The following CCSER1 variants were observed in gnomAD, a reference collection of about 807,000 sequenced individuals.
CCSER1 encodes coiled-coil serine rich protein 1, also known as serine-rich coiled-coil domain-containing protein 1.
In CCSER1, 41 loss-of-function variants were observed where a neutral mutation model predicts 82.0. The ratio of observed to expected loss-of-function variants is 0.50; its 90% CI spans 0.39 to 0.65. CCSER1 has a LOEUF of 0.65. Ranked by LOEUF, CCSER1 falls within the 30% of genes least tolerant of loss-of-function variation. The pLI is 0.00. For synonymous variants in CCSER1, 414 were observed against 383.9 expected (o/e 1.08, Z -0.92); for missense variants, 1,119 against 1,064.2 (o/e 1.05, Z -0.72).
chr4:90,584,903 T>C (rs61046374), intron 5 of CCSER1, among the ~76,000 whole-genome samples: 3,312 of 152,208 alleles, frequency 0.022, 123 homozygotes, highest in African/African-American at 0.07. Context: ...TTAAAAACTT[T>C]TGGTCTTTGA....
At chr4:90,801,710 A>G (rs1282741081) in intron 7 of CCSER1, among the ~76,000 whole-genome samples, 1 of 152,190 alleles carries the variant, frequency 6.6e-6, no homozygotes, top group Non-Finnish European at 1.5e-5. Flanking sequence ...AATAAATGCC[A>G]TTTACTTTGA....
chr4:91,460,457 G>A (rs1756442105), intron 10 of CCSER1, among the ~76,000 whole-genome samples: 1 of 152,036 alleles, frequency 6.6e-6, no homozygotes, highest in Non-Finnish European at 1.5e-5. Flanking sequence ...CTAACGATAT[G>A]CCACAAAGAT....
chr4:91,139,734 A>G (rs1199940615), intron 10 of CCSER1, among the ~76,000 whole-genome samples: 1 of 152,222 alleles, frequency 6.6e-6, no homozygotes, highest in Non-Finnish European at 1.5e-5. Context: ...TTTGGAAATT[A>G]TGTTAAACAC....
rs546425679 is a variant in CCSER1, at chr4:91,596,126, G to A, written c.2218-2446G>A. Among the ~76,000 whole-genome samples, 188 of 152,094 alleles carry A rather than the reference G, an allele frequency of 1.2e-3. 1 individual carries two copies. The highest frequency in any genetic ancestry group is 3.9e-3 in the African/African-American group (163 of 41,526). ...ATGTGCCTTCTAAGTACCAGATACT[G>A]TACCAGAGAAGGGGTGCTGAGGCTG... On this transcript the variant is annotated intron_variant, in intron 10 of 10. Coordinates refer to ENST00000509176, the MANE Select transcript of CCSER1 (RefSeq NM_001145065.2).
At chr4:91,520,403 A>T (rs1578682504) in intron 10 of CCSER1, among the ~76,000 whole-genome samples, 1 of 151,618 alleles carries the variant, frequency 6.6e-6, no homozygotes, top group South Asian at 2.1e-4. Flanking sequence ...TGTGGCTCCC[A>T]AAACTGTTTC....
chr4:91,072,503 C>T (rs748145187), intron 9 of CCSER1, among the ~76,000 whole-genome samples: 1 of 152,066 alleles, frequency 6.6e-6, no homozygotes, highest in South Asian at 2.1e-4. Context: ...ATCTCTTGAA[C>T]ATTAATATAG....
At chr4:90,893,819 A>G (rs1723312208) in intron 8 of CCSER1, among the ~76,000 whole-genome samples, 1 of 151,030 alleles carries the variant, frequency 6.6e-6, no homozygotes, top group Non-Finnish European at 1.5e-5. Flanking sequence ...TCTCTATTCA[A>G]TATGTGTTAT....
intron 1 of CCSER1, among the ~76,000 whole-genome samples, chr4:90,143,727 C>G (rs1160276053): frequency 2.0e-5 from 3 of 149,318 alleles, no homozygotes; most frequent in Admixed American, 6.7e-5. Flanking sequence ...TTCTGTCACC[C>G]AAGCTGGAGT....
chr4:91,031,392 CAT>C (rs1740971004), intron 9 of CCSER1, among the ~76,000 whole-genome samples: 1 of 152,090 alleles, frequency 6.6e-6, no homozygotes, highest in African/African-American at 2.4e-5. Flanking sequence ...CAAGGAAACA[CAT>C]GTTTGAAAAT....
At chr4:91,083,667 A>T (rs1442201786) in intron 9 of CCSER1, among the ~76,000 whole-genome samples, 2 of 152,164 alleles carry the variant, frequency 1.3e-5, no homozygotes, top group East Asian at 3.9e-4. Flanking sequence ...AGATAGTAAA[A>T]TAATATCAAA....
At chr4:90,412,693 A>G (rs1755076824) in intron 4 of CCSER1, among the ~76,000 whole-genome samples, 1 of 152,186 alleles carries the variant, frequency 6.6e-6, no homozygotes. Flanking sequence ...AAAGCCTTTG[A>G]CAAAATCCAG....
At chr4:90,169,782 C>G (rs1245190644) in intron 1 of CCSER1, among the ~76,000 whole-genome samples, 1 of 150,798 alleles carries the variant, frequency 6.6e-6, no homozygotes, top group Non-Finnish European at 1.5e-5. Flanking sequence ...TGTCTACATT[C>G]TTTAATTGTG....
chr4:90,440,516 C>T (rs577668020), intron 4 of CCSER1, among the ~76,000 whole-genome samples: 2 of 152,204 alleles, frequency 1.3e-5, no homozygotes, highest in East Asian at 3.9e-4. Context: ...AGATAATTAT[C>T]CTTGGCTACA....
intron 10 of CCSER1, among the ~76,000 whole-genome samples, chr4:91,296,811 A>G (rs1374506986): frequency 6.6e-6 from 1 of 151,674 alleles, no homozygotes; most frequent in Non-Finnish European, 1.5e-5. Context: ...TTTAAAATCT[A>G]CCAAAAACCA....
chr4:90,442,947 T>C (rs1760117076), intron 4 of CCSER1, among the ~76,000 whole-genome samples: 1 of 151,052 alleles, frequency 6.6e-6, no homozygotes, highest in African/African-American at 2.5e-5. Flanking sequence ...TCCTCAGGGA[T>C]ACATTCTAAG....
chr4:90,620,449 A>C (rs1722095981), intron 5 of CCSER1, among the ~76,000 whole-genome samples: 2 of 152,198 alleles, frequency 1.3e-5, no homozygotes, highest in African/African-American at 4.8e-5. Context: ...TAGTCTATTT[A>C]TATGAGTATT....
At chr4:91,221,324 T>C (rs990152144) in intron 10 of CCSER1, among the ~76,000 whole-genome samples, 1 of 152,170 alleles carries the variant, frequency 6.6e-6, no homozygotes, top group African/African-American at 2.4e-5. Context: ...ATATGATTTC[T>C]TTAAATAAGT....
chr4:91,140,274 AT>A lies in CCSER1; in HGVS notation c.2217+54282del, dbSNP rs1292331099. Reference sequence around the variant, plus strand: ...AAAAGCAGAAAATAAAAGGATTTTAATTCATTTTTGTGTGATTATTATAGCT... The same window carrying A: ...AAAAGCAGAAAATAAAAGGATTTTAATCATTTTTGTGTGATTATTATAGCT... On this transcript the variant is annotated intron_variant, in intron 10 of 10. Coordinates refer to ENST00000509176, the MANE Select transcript of CCSER1 (RefSeq NM_001145065.2). Among the ~76,000 whole-genome samples the A allele has an allele frequency of 2.0e-5, 3 of 151,880 alleles. No individual in the cohort carries two copies. In the East Asian group the frequency reaches 5.8e-4, roughly 29 times the overall value.
chr4:91,578,666 G>A (rs541188886), intron 10 of CCSER1, among the ~76,000 whole-genome samples: 12 of 152,068 alleles, frequency 7.9e-5, no homozygotes, highest in South Asian at 2.1e-4. Context: ...AACACTGCAC[G>A]CTGATGGTTA....
Sources: gnomAD v4.1 joint callset for allele counts (sites outside exome capture counted in the v4.1 genomes callset) on GRCh38, gnomAD v4.1.1 for gene constraint, MANE v1.5 for transcripts, NCBI Gene and HGNC (gene_info 2026-07-23, HGNC 2026-07-21) for gene names.